The following GTF3C5 variants were observed in gnomAD, a reference collection of about 807,000 sequenced individuals.
GTF3C5 encodes the protein general transcription factor IIIC subunit 5, also known as general transcription factor 3C polypeptide 5.
In GTF3C5, 47 loss-of-function variants were observed where a neutral mutation model predicts 61.0. The ratio of observed to expected loss-of-function variants is 0.77; its 90% CI spans 0.61 to 0.98. The LOEUF (loss-of-function observed/expected upper bound fraction) is 0.98. GTF3C5 is among the 50% of genes least tolerant of loss of function. GTF3C5 has a pLI of 0.00. For missense variants in GTF3C5, 659 were observed against 703.3 expected (o/e 0.94, Z 0.71); for synonymous variants, 295 against 275.4 (o/e 1.07, Z -0.71).
intron 3 of GTF3C5, among the ~76,000 whole-genome samples, chr9:133,049,209 G>A (rs1006042378): frequency 6.6e-6 from 1 of 152,200 alleles, no homozygotes. Flanking sequence ...CATGGGGAGC[G>A]GTCTGGGGAT....
intron 3 of GTF3C5, chr9:133,044,146 C>CAA (rs34524914): frequency 0.058 from 6,239 of 106,698 alleles, 61 homozygotes; most frequent in Non-Finnish European, 0.076. Context: ...CTTTGTCTCC[C>CAA]AAAAAAAAAA....
At chr9:133,044,172 A>G in intron 3 of GTF3C5, 1 of 513,380 alleles carries the variant, frequency 1.9e-6, no homozygotes, top group African/African-American at 2.0e-5. Context: ...AAAAAAAAGA[A>G]AATGGGATGA....
chr9:133,032,189 A>G (rs1315508329), intron 1 of GTF3C5, among the ~76,000 whole-genome samples: 1 of 152,170 alleles, frequency 6.6e-6, no homozygotes, highest in African/African-American at 2.4e-5. Flanking sequence ...TGGCCTCCCA[A>G]AGTGCTGGGA....
intron 3 of GTF3C5, among the ~76,000 whole-genome samples, chr9:133,047,134 C>T (rs1850231808): frequency 6.6e-6 from 1 of 152,132 alleles, no homozygotes. Flanking sequence ...ACAGGGAAGA[C>T]TCATGTTTCA....
intron 1 of GTF3C5, among the ~76,000 whole-genome samples, chr9:133,032,367 A>T (rs1390515027): frequency 1.3e-5 from 2 of 152,178 alleles, no homozygotes; most frequent in Admixed American, 6.5e-5. Context: ...CAGTGACGGG[A>T]CGAGCGATTT....
chr9:133,033,758 C>T (rs906456611), intron 1 of GTF3C5, among the ~76,000 whole-genome samples: 1 of 152,198 alleles, frequency 6.6e-6, no homozygotes, highest in Middle Eastern at 3.2e-3. Context: ...ACAAGTGTAA[C>T]AATCACTTTT....
chr9:133,048,693 C>T (rs1850280758), intron 3 of GTF3C5, among the ~76,000 whole-genome samples: 2 of 152,158 alleles, frequency 1.3e-5, no homozygotes, highest in Non-Finnish European at 2.9e-5. Flanking sequence ...CAGCACTTGT[C>T]AGCACTGCCG....
Position 133,057,973 on chromosome 9 carries a change from A to T in GTF3C5, c.1553A>T (p.Tyr518Phe), listed in dbSNP as rs369695010. ...ENEMETEILD[Y>F]V Reference sequence around the variant, plus strand: ...GAAATGGAGACAGAGATTCTGGACTACGTGTGACAGGGCCCAAGGCTGGGC... The same window carrying T: ...GAAATGGAGACAGAGATTCTGGACTTCGTGTGACAGGGCCCAAGGCTGGGC... Residue 518 changes from tyrosine to phenylalanine, a missense_variant, in exon 11 of 11, where the codon TAC becomes TTC. Physicochemically the swap from Tyr to Phe is conservative, Grantham distance 22. Coordinates refer to ENST00000372097, the MANE Select transcript of GTF3C5 (RefSeq NM_012087.4). 26 of 1,613,936 alleles carry T rather than the reference A, an allele frequency of 1.6e-5. No individual in the cohort carries two copies. The African/African-American group carries it at 2.9e-4, about 18-fold the overall frequency.
At chr9:133,035,893 G>A (rs912280779) in intron 1 of GTF3C5, among the ~76,000 whole-genome samples, 3 of 152,172 alleles carry the variant, frequency 2.0e-5, no homozygotes, top group East Asian at 1.9e-4. Flanking sequence ...ATGAGACCTC[G>A]TTCGGTCCAA....
Position 133,054,734 on chromosome 9 carries a change from T to G in GTF3C5, c.1092T>G (p.His364Gln), listed in dbSNP as rs773392068. The change falls in exon 8 of 11, where the codon CAT (histidine) becomes CAG (glutamine). Residue 364 changes from histidine to glutamine, a missense_variant. His to Gln is a conservative substitution (Grantham distance 24). Transcript: ENST00000372097. Reference sequence around the variant, plus strand: ...CAGCCAGCCAGCTTGTCACCATGCATGACCTGAAGCAGGGCCTGGGCCCGT... The same window carrying G: ...CAGCCAGCCAGCTTGTCACCATGCAGGACCTGAAGCAGGGCCTGGGCCCGT... ...KKTSSQLVTM[H>Q]DLKQGLGPSG... 1 of 1,578,306 alleles carries G rather than the reference T, an allele frequency of 6.3e-7. No individual in the cohort carries two copies. The highest frequency in any genetic ancestry group is 2.3e-5 in the East Asian group (1 of 43,456).
chr9:133,055,319 G>A (rs1234573698), intron 8 of GTF3C5: 2 of 1,371,558 alleles, frequency 1.5e-6, no homozygotes, highest in African/African-American at 2.9e-5. Context: ...GGCCGAGAAG[G>A]GGGCATCCCG....
At chr9:133,048,910 T>G (rs571330734) in intron 3 of GTF3C5, among the ~76,000 whole-genome samples, 15 of 152,210 alleles carry the variant, frequency 9.9e-5, no homozygotes, top group Admixed American at 5.9e-4. Flanking sequence ...TCGATTCTCC[T>G]GCCCTGCTCA....
intron 2 of GTF3C5, among the ~76,000 whole-genome samples, chr9:133,042,752 T>G (rs1413115729): frequency 3.9e-5 from 6 of 152,166 alleles, no homozygotes; most frequent in Admixed American, 2.6e-4. Context: ...TCAATCAGGT[T>G]TCCCACCTAC....
intron 10 of GTF3C5, among the ~76,000 whole-genome samples, chr9:133,057,472 C>T (rs1264612082): frequency 1.3e-5 from 2 of 152,318 alleles, no homozygotes; most frequent in South Asian, 2.1e-4. Flanking sequence ...CAGATCTGAC[C>T]GAAGCAGGGG....
At chr9:133,050,622 T>C (rs1850341142) in intron 3 of GTF3C5, among the ~76,000 whole-genome samples, 161 bp from the exon 4 acceptor site, 1 of 152,204 alleles carries the variant, frequency 6.6e-6, no homozygotes, top group Non-Finnish European at 1.5e-5. Context: ...CAGGTTCCTT[T>C]AGCAGCCAAC....
At chr9:133,057,561 T>TGG (rs1466496108) in intron 10 of GTF3C5, among the ~76,000 whole-genome samples, 11 of 152,130 alleles carry the variant, frequency 7.2e-5, no homozygotes. Flanking sequence ...CCAGAGAAAA[T>TGG]GGTGTGTTCA....
At chr9:133,035,844 A>C (rs1235738241) in intron 1 of GTF3C5, among the ~76,000 whole-genome samples, 1 of 152,208 alleles carries the variant, frequency 6.6e-6, no homozygotes, top group Non-Finnish European at 1.5e-5. Context: ...CACTTGGGTG[A>C]TTAATTCCTT....
Position 133,058,041 on chromosome 9 carries a change from C to A in GTF3C5, c.*61C>A, listed in dbSNP as rs558678809. The A allele has an allele frequency of 6.3e-7, 1 of 1,596,834 alleles. No homozygotes were observed. The highest frequency in any genetic ancestry group is 8.5e-7 in the Non-Finnish European group (1 of 1,172,820). On this transcript the variant is annotated 3_prime_UTR_variant, in exon 11 of 11. Coordinates refer to ENST00000372097, the MANE Select transcript of GTF3C5 (RefSeq NM_012087.4). The stretch of plus-strand genomic sequence containing the variant: ...ACTGGTGTCTGGCCTAATGAGGGAG[C>A]CGGGGCTCCCCATTGCCACCCACAG...
intron 3 of GTF3C5, among the ~76,000 whole-genome samples, chr9:133,048,551 C>G (rs1275332830): frequency 1.3e-5 from 2 of 152,208 alleles, no homozygotes; most frequent in African/African-American, 4.8e-5. Flanking sequence ...TGCTTGTAAT[C>G]CCAGCTACTT....
Sources: gnomAD v4.1 joint callset for allele counts (sites outside exome capture counted in the v4.1 genomes callset) on GRCh38, gnomAD v4.1.1 for gene constraint, MANE v1.5 for transcripts, NCBI Gene and HGNC (gene_info 2026-07-23, HGNC 2026-07-21) for gene names.